Variants in ARHGAP22 observed in about 807,000 individuals in gnomAD.
ARHGAP22 encodes Rho GTPase activating protein 22.
A neutral mutation model predicts 59.1 loss-of-function variants in ARHGAP22; 48 were observed. The ratio of observed to expected loss-of-function variants is 0.81; its 90% CI spans 0.64 to 1.03. The LOEUF is 1.03. Ranked by LOEUF, ARHGAP22 falls within the 50% of genes least tolerant of loss-of-function variation. ARHGAP22 has a pLI of 0.00. For synonymous variants in ARHGAP22, 445 were observed against 416.4 expected (o/e 1.07, Z -0.84); for missense variants, 1,015 against 958.7 (o/e 1.06, Z -0.78).
chr10:48,538,554 G>C (rs1334679344), intron 3 of ARHGAP22, among the ~76,000 whole-genome samples: 4 of 152,172 alleles, frequency 2.6e-5, no homozygotes, highest in Non-Finnish European at 5.9e-5. Flanking sequence ...TTCAGTAATT[G>C]TAATTCCAGT....
intron 2 of ARHGAP22, among the ~76,000 whole-genome samples, chr10:48,569,770 C>T (rs41476347): frequency 0.016 from 2,484 of 152,180 alleles, 77 homozygotes; most frequent in African/African-American, 0.057. Flanking sequence ...GGTGGAGATC[C>T]GTCTTGTAGG....
chr10:48,598,066 C>A (rs1406470396), intron 1 of ARHGAP22, among the ~76,000 whole-genome samples: 1 of 152,264 alleles, frequency 6.6e-6, no homozygotes, highest in African/African-American at 2.4e-5. Flanking sequence ...GCTACAAGAC[C>A]AGCTTGGAGC....
chr10:48,530,753 AAAAAAT>A (rs1308763088), intron 3 of ARHGAP22, among the ~76,000 whole-genome samples: 2 of 152,234 alleles, frequency 1.3e-5, no homozygotes, highest in African/African-American at 4.8e-5. Flanking sequence ...GGCCATAATA[AAAAAAT>A]AAAAATAAAA....
the ARHGAP22 span, chr10:48,430,656 A>G: frequency 6.5e-6 from 1 of 153,710 alleles, no homozygotes; most frequent in Non-Finnish European, 1.4e-5. Context: ...AAGGAGTTGA[A>G]ATGTAGCTTA....
chr10:48,474,732 C>T (rs917508754), intron 4 of ARHGAP22, among the ~76,000 whole-genome samples: 2 of 152,016 alleles, frequency 1.3e-5, no homozygotes, highest in Non-Finnish European at 2.9e-5. Context: ...GTGTTTTTGT[C>T]CTTTATTCTG....
upstream of ARHGAP22, among the ~76,000 whole-genome samples, chr10:48,606,248 T>C (rs1336564443): frequency 6.6e-6 from 1 of 152,136 alleles, no homozygotes; most frequent in Admixed American, 6.5e-5. Context: ...TAATCAACTT[T>C]AGCAGCTGTA....
chr10:48,655,784 C>G (rs2062791410), upstream of ARHGAP22: 1 of 152,780 alleles, frequency 6.5e-6, no homozygotes, highest in African/African-American at 2.4e-5. Flanking sequence ...CAATGACAGT[C>G]AGCACTTCTC....
At chr10:48,597,520 G>A (rs540680942) in intron 1 of ARHGAP22, among the ~76,000 whole-genome samples, 6 of 152,134 alleles carry the variant, frequency 3.9e-5, no homozygotes, top group Non-Finnish European at 7.3e-5. Context: ...CTATAAATGG[G>A]GGCCAGATAC....
intron 4 of ARHGAP22, among the ~76,000 whole-genome samples, chr10:48,468,018 G>T (rs1029621476): frequency 2.0e-5 from 3 of 152,148 alleles, no homozygotes; most frequent in African/African-American, 7.2e-5. Flanking sequence ...CAGTAACTAG[G>T]ATAAACACTT....
chr10:48,569,322 G>A (rs927590434), intron 2 of ARHGAP22, among the ~76,000 whole-genome samples: 1 of 152,206 alleles, frequency 6.6e-6, no homozygotes, highest in African/African-American at 2.4e-5. Context: ...CCTCATCCCT[G>A]TCTTTAGCAA....
intron 1 of ARHGAP22, among the ~76,000 whole-genome samples, chr10:48,597,027 C>T (rs2060107944): frequency 6.6e-6 from 1 of 152,180 alleles, no homozygotes; most frequent in South Asian, 2.1e-4. Flanking sequence ...TTTGAAGCAT[C>T]AGTGTCAGTG....
At chr10:48,636,635 T>C (rs2061830356) in intron 1 of ARHGAP22, among the ~76,000 whole-genome samples, 1 of 152,100 alleles carries the variant, frequency 6.6e-6, no homozygotes, top group Non-Finnish European at 1.5e-5. Flanking sequence ...TTACACGTGT[T>C]ATGTGTGTCC....
chr10:48,656,265 T>TGGGGGG (rs760924651), upstream of ARHGAP22: 10 of 101,614 alleles, frequency 9.8e-5, no homozygotes, highest in Admixed American at 5.2e-4. Context: ...TCGGCGCCTC[T>TGGGGGG]GGGGGGGGGG....
upstream of ARHGAP22, among the ~76,000 whole-genome samples, chr10:48,654,773 AC>A (rs2062694359): frequency 8.9e-6 from 1 of 112,264 alleles, no homozygotes; most frequent in Non-Finnish European, 1.9e-5. Context: ...CATGCTGATT[AC>A]TTTCTTTCTT....
chr10:48,451,090 G>C lies in ARHGAP22; in HGVS notation c.1039C>G (p.Gln347Glu). The C allele has an allele frequency of 6.4e-7, 1 of 1,553,186 alleles. No individual in the cohort carries two copies. The highest frequency in any genetic ancestry group is 8.7e-7 in the Non-Finnish European group (1 of 1,148,218). ...LMTVLIRKHS[Q>E]LFTAPVPEGP... ...TCCGGGACCGGTGCCGTGAAGAGCT[G>C]GCTGTGTTTGCGGATGAGGACGGTC... is the stretch of plus-strand genomic sequence containing the variant. Residue 347 changes from glutamine (Q) to glutamate (E), a missense_variant, in exon 9 of 10, where the codon CAG becomes GAG. Physicochemically the swap from Gln to Glu is conservative, Grantham distance 29 (BLOSUM62 2). Coordinates refer to ENST00000249601, the MANE Select transcript of ARHGAP22 (RefSeq NM_021226.4).
chr10:48,464,198 A>T (rs1252201824), intron 4 of ARHGAP22, among the ~76,000 whole-genome samples: 2 of 152,098 alleles, frequency 1.3e-5, no homozygotes, highest in Non-Finnish European at 1.5e-5. Context: ...CCCCACACAC[A>T]TCGTCCTCAG....
intron 3 of ARHGAP22, among the ~76,000 whole-genome samples, chr10:48,489,248 G>T (rs2050136948): frequency 6.6e-6 from 1 of 152,054 alleles, no homozygotes; most frequent in Non-Finnish European, 1.5e-5. Context: ...CCAGTCCCAG[G>T]CAGTCTTCAT....
chr10:48,547,779 C>T (rs142707419), intron 3 of ARHGAP22, among the ~76,000 whole-genome samples: 4 of 152,318 alleles, frequency 2.6e-5, no homozygotes, highest in Non-Finnish European at 5.9e-5. Context: ...GCCATCGGCT[C>T]GGTGCAATGT....
intron 1 of ARHGAP22, among the ~76,000 whole-genome samples, chr10:48,610,893 T>C (rs1293149598): frequency 6.6e-6 from 1 of 152,256 alleles, no homozygotes; most frequent in Non-Finnish European, 1.5e-5. Flanking sequence ...AGCTGTCAGC[T>C]GACTTCACTC....
Sources: gnomAD v4.1 joint callset for allele counts (sites outside exome capture counted in the v4.1 genomes callset) on GRCh38, gnomAD v4.1.1 for gene constraint, MANE v1.5 for transcripts, NCBI Gene and HGNC (gene_info 2026-07-23, HGNC 2026-07-21) for gene names.